Variants in CARMIL1 observed in about 807,000 individuals in gnomAD.
CARMIL1 encodes the protein F-actin-uncapping protein LRRC16A.
In CARMIL1, 90 loss-of-function variants were observed where a neutral mutation model predicts 177.1. That is an observed-to-expected ratio of 0.51 (90% CI 0.43 to 0.61). The LOEUF (loss-of-function observed/expected upper bound fraction) is 0.61, where lower values mean the gene tolerates loss of function less well. Among genes scored for constraint, CARMIL1 ranks in the 20% least tolerant of loss-of-function variants. CARMIL1 has a pLI of 0.00. For missense variants in CARMIL1, 1,380 were observed against 1,667.0 expected, an observed-to-expected ratio of 0.83 and a Z score of 3.00; for synonymous variants, 577 against 606.2, an observed-to-expected ratio of 0.95 and a Z score of 0.71.
At chr6:25,585,668 T>A (rs1813574492) in intron 31 of CARMIL1, among the ~76,000 whole-genome samples, 1 of 152,188 alleles carries the variant, frequency 6.6e-6, no homozygotes, top group Admixed American at 6.5e-5. Context: ...CAAGGGTCTC[T>A]GGTTTTCCTA....
chr6:25,509,854 T>C lies in CARMIL1; in HGVS notation c.1477+117T>C, dbSNP rs1805294223. The stretch of plus-strand genomic sequence containing the variant: ...AGCTTAATAAAAAAATTGTTTTTTA[T>C]TTTTTGACTAATAGGGCTTTTAAAT... On this transcript the variant is annotated intron_variant, in intron 18 of 36. Coordinates refer to ENST00000329474, the MANE Select transcript of CARMIL1 (RefSeq NM_017640.6). This position sits in a 1 kb window ranked among gnomAD's most constrained non-coding sequence, Gnocchi z 4.1. 2 of 685,546 alleles carry C rather than the reference T, an allele frequency of 2.9e-6. No homozygotes were observed. Among genetic ancestry groups the C allele is most frequent in the Non-Finnish European group, 4.9e-6 (2 of 410,718 alleles). The allele number at this position is 685,546 out of a possible 1,614,324, so 42.5% of individuals were successfully genotyped here. A position where few individuals can be genotyped will look rare whatever the true frequency, so the allele number is the denominator to read the frequency against.
rs552829849 is a variant in CARMIL1, at chr6:25,567,183, C to A, written c.2742+10333C>A. Among the ~76,000 whole-genome samples, 4 of 152,314 alleles carry A rather than the reference C, an allele frequency of 2.6e-5. No individual in the cohort carries two copies. The East Asian group carries it at 7.7e-4, about 29-fold the overall frequency. Reference sequence around the variant, plus strand: ...GTTCTCTGTCTGCAGAATTCATGGTCTTCAGGCTGGCCTGAATCCCAGGAA... The same window carrying A: ...GTTCTCTGTCTGCAGAATTCATGGTATTCAGGCTGGCCTGAATCCCAGGAA... On this transcript the variant is annotated intron_variant, in intron 29 of 36. Coordinates refer to ENST00000329474, the MANE Select transcript of CARMIL1 (RefSeq NM_017640.6).
rs150197280 is a variant in CARMIL1, at chr6:25,292,313, T to C, written c.138+7404T>C. On this transcript the variant is annotated intron_variant, in intron 2 of 36. Coordinates refer to ENST00000329474, the MANE Select transcript of CARMIL1 (RefSeq NM_017640.6). ...GGTGAAGTTACATGGCTCTAGAAAA[T>C]TGAGCTTTAGAAAACAGCAATAACA... Among the ~76,000 whole-genome samples the C allele has an allele frequency of 1.2e-4, 18 of 152,286 alleles. No individual in the cohort carries two copies. In the East Asian group the frequency reaches 2.9e-3, roughly 24 times the overall value.
At chr6:25,589,769 C>T (rs949706200) in intron 31 of CARMIL1, among the ~76,000 whole-genome samples, 3 of 152,136 alleles carry the variant, frequency 2.0e-5, no homozygotes, top group Non-Finnish European at 4.4e-5. Context: ...ATTACAGGTG[C>T]GAGTCACCAC....
chr6:25,450,015 C>A lies in CARMIL1; in HGVS notation c.469+20C>A. 1 of 1,573,536 alleles carries A rather than the reference C, an allele frequency of 6.4e-7. No individual in the cohort carries two copies. Among genetic ancestry groups the A allele is most frequent in the Non-Finnish European group, 8.6e-7 (1 of 1,156,576 alleles). On this transcript the variant is annotated intron_variant, in intron 6 of 36. Coordinates refer to ENST00000329474, the MANE Select transcript of CARMIL1 (RefSeq NM_017640.6). The stretch of plus-strand genomic sequence containing the variant: ...CCTGTGGTGAGCATGCATTTTAAAA[C>A]TGAAATGTGAATAGCTGGATGGATA...
chr6:25,488,948 C>T (rs544801442), intron 13 of CARMIL1, among the ~76,000 whole-genome samples: 9 of 152,158 alleles, frequency 5.9e-5, no homozygotes, highest in Admixed American at 2.0e-4. Flanking sequence ...AGGCAGATCA[C>T]GAGGTCAGGA....
In CARMIL1 at chr6:25,557,295, C is replaced by T. The variant is rs1021993979; in HGVS notation, c.2742+445C>T. Among the ~76,000 whole-genome samples the T allele has an allele frequency of 3.9e-5, 6 of 152,200 alleles. No individual in the cohort carries two copies. In the East Asian group the frequency reaches 5.8e-4, roughly 15 times the overall value. On this transcript the variant is annotated intron_variant, in intron 29 of 36. Transcript: ENST00000329474. ...TTCCTGTTTAGATGAGATTCTGTTT[C>T]GTTAACCTGATTTGATGTGCTTTAG...
chr6:25,443,279 C>T (rs1352717159), intron 5 of CARMIL1, among the ~76,000 whole-genome samples: 2 of 152,180 alleles, frequency 1.3e-5, no homozygotes, highest in Admixed American at 6.5e-5. Context: ...CATTAAAATG[C>T]CAGATGATGG....
chr6:25,439,491 A>G (rs948404804), intron 5 of CARMIL1, among the ~76,000 whole-genome samples: 8 of 152,188 alleles, frequency 5.3e-5, no homozygotes, highest in African/African-American at 9.7e-5. Context: ...AAGAGCCACA[A>G]ATGGAGTTGG....
At chr6:25,530,515 C>T (rs865944722) in intron 24 of CARMIL1, among the ~76,000 whole-genome samples, 2 of 152,026 alleles carry the variant, frequency 1.3e-5, no homozygotes, top group African/African-American at 2.4e-5. Flanking sequence ...AAGAGTAAAT[C>T]GGCTATCTTA....
rs372956975 is a variant in CARMIL1 at position 25,348,063 on chromosome 6, A to C, written c.138+63154A>C. Among the ~76,000 whole-genome samples the C allele has an allele frequency of 3.9e-5, 6 of 152,344 alleles. No individual in the cohort carries two copies. The South Asian group carries it at 1.0e-3, about 26-fold the overall frequency. The stretch of plus-strand genomic sequence containing the variant: ...CCAGTTTGGCCACAGGCTCATTGAT[A>C]TAAACAACAATTAAGTTCCTACTGC... On this transcript the variant is annotated intron_variant, in intron 2 of 36. Coordinates refer to ENST00000329474, the MANE Select transcript of CARMIL1 (RefSeq NM_017640.6).
At chr6:25,609,955 T>TA (rs2151331926) in intron 35 of CARMIL1, 95 bp from the exon 36 acceptor site, 1 of 1,365,570 alleles carries the variant, frequency 7.3e-7, no homozygotes, top group South Asian at 1.8e-5. Context: ...TTTATTTTTT[T>TA]AAATGACTTA....
Position 25,531,839 on chromosome 6 carries a change from C to T in CARMIL1, c.2067+2946C>T, listed in dbSNP as rs182080829. On this transcript the variant is annotated intron_variant, in intron 24 of 36. Transcript: ENST00000329474. ...AGGCTGGAGTGCAGTGGCGCAATCTCGGCTTACTGCAACCTCCGCCTCCCT... is the reference window on the plus strand; with the variant it reads ...AGGCTGGAGTGCAGTGGCGCAATCTTGGCTTACTGCAACCTCCGCCTCCCT... 1.8e-4 allele frequency among the ~76,000 whole-genome samples: 27 copies of T among 150,562 alleles called. No individual in the cohort carries two copies. The East Asian group carries it at 4.8e-3, about 27-fold the overall frequency.
chr6:25,492,272 A>G (rs1238110373), intron 15 of CARMIL1, among the ~76,000 whole-genome samples: 3 of 152,202 alleles, frequency 2.0e-5, no homozygotes, highest in Non-Finnish European at 4.4e-5. Context: ...TATTTCTCCT[A>G]TGTGGTCAGG....
chr6:25,466,074 G>A lies in CARMIL1; in HGVS notation c.690+126G>A, dbSNP rs1371285898. 1.1e-5 allele frequency: 7 copies of A among 652,350 alleles called. No homozygotes were observed. In the East Asian group the frequency reaches 1.6e-4, roughly 15 times the overall value. 40.4% of individuals were successfully genotyped at this position (652,350 alleles called of 1,614,324 possible). A position where few individuals can be genotyped will look rare whatever the true frequency, so the allele number is the denominator to read the frequency against. ...TGTATACATTTTATTTCTTGAGGAG[G>A]TATTTTCCTTTAAATGATTTGCGTA... On this transcript the variant is annotated intron_variant, in intron 9 of 36. Coordinates refer to ENST00000329474, the MANE Select transcript of CARMIL1 (RefSeq NM_017640.6).
At chr6:25,576,976 ACT>A (rs1812644610) in intron 29 of CARMIL1, 1 of 982,424 alleles carries the variant, frequency 1.0e-6, no homozygotes, top group Non-Finnish European at 1.2e-6. Flanking sequence ...CTGCATGGAG[ACT>A]CTCTGCTGTA....
At chr6:25,470,782 G>T (rs73393864) in intron 9 of CARMIL1, among the ~76,000 whole-genome samples, 1 of 152,224 alleles carries the variant, frequency 6.6e-6, no homozygotes, top group Non-Finnish European at 1.5e-5. Flanking sequence ...CCTCTTTTAC[G>T]AAAGCACTAA....
rs576598679 is a variant in CARMIL1, at chr6:25,505,694, C to T, written c.1396-3962C>T. Among the ~76,000 whole-genome samples the T allele has an allele frequency of 2.6e-5, 4 of 152,278 alleles. No homozygotes were observed. In the South Asian group the frequency reaches 8.3e-4, roughly 32 times the overall value. ...TCTTGAACTCCTGACCTCAAGTAAT[C>T]CACCTACCTCGGCCTCTCAAAGTGC... On this transcript the variant is annotated intron_variant, in intron 17 of 36. Coordinates refer to ENST00000329474, the MANE Select transcript of CARMIL1 (RefSeq NM_017640.6).
chr6:25,572,007 G>T (rs189797499), intron 29 of CARMIL1, among the ~76,000 whole-genome samples: 26 of 152,244 alleles, frequency 1.7e-4, no homozygotes, highest in Admixed American at 1.7e-3. Context: ...GGACAGTTGG[G>T]GGAATTTGAA....
Sources: allele counts gnomAD v4.1 joint callset (sites outside exome capture counted in the v4.1 genomes callset), GRCh38; gene constraint gnomAD v4.1.1; non-coding constraint Gnocchi (gnomAD v3.1); transcripts MANE v1.5; gene names NCBI Gene and HGNC (gene_info 2026-07-23, HGNC 2026-07-21).